LRCH3: variants seen among roughly 807,000 people sequenced by gnomAD.
The protein encoded by LRCH3 is DISP complex protein LRCH3.
In LRCH3, 68 loss-of-function variants were observed where a neutral mutation model predicts 104.5. That is an observed-to-expected ratio of 0.65 (90% CI 0.54 to 0.80). LRCH3 has a LOEUF of 0.80. LRCH3 is among the 30% of genes least tolerant of loss of function. The probability of loss-of-function intolerance (pLI) is 0.00; values close to 1 mark genes in which losing one functional copy is unlikely to be tolerated. For synonymous variants in LRCH3, 344 were observed against 361.3 expected, an observed-to-expected ratio of 0.95 and a Z score of 0.54; for missense variants, 951 against 953.9, an observed-to-expected ratio of 1.00 and a Z score of 0.04.
chr3:197,820,490 C>A, intron 4 of LRCH3, 60 bp downstream of exon 4: 2 of 1,182,830 alleles, frequency 1.7e-6, no homozygotes, highest in Non-Finnish European at 2.5e-6. Flanking sequence ...AAAGCTCTCT[C>A]AGACCAATCA....
chr3:197,837,954 G>A (rs1250136306), intron 9 of LRCH3, among the ~76,000 whole-genome samples: 4 of 152,082 alleles, frequency 2.6e-5, no homozygotes, highest in South Asian at 2.1e-4. Flanking sequence ...CAGCCACTCG[G>A]GAGGCTGAGG....
intron 1 of LRCH3, among the ~76,000 whole-genome samples, chr3:197,797,720 G>A (rs1731385582): frequency 6.6e-6 from 1 of 151,914 alleles, no homozygotes; most frequent in African/African-American, 2.4e-5. Context: ...AAATAGCTGG[G>A]TGCCATTGGC....
chr3:197,806,433 T>C (rs1427654071), intron 1 of LRCH3, among the ~76,000 whole-genome samples: 1 of 151,956 alleles, frequency 6.6e-6, no homozygotes, highest in East Asian at 1.9e-4. Context: ...GAAGAACATT[T>C]CTGACATCAA....
intron 1 of LRCH3, among the ~76,000 whole-genome samples, chr3:197,813,275 A>G (rs767753045): frequency 1.3e-5 from 2 of 150,914 alleles, no homozygotes; most frequent in Non-Finnish European, 2.9e-5. Context: ...TGTACAATAA[A>G]TGATCGTTGA....
rs753406685 is a variant in LRCH3 at position 197,830,760 on chromosome 3, T to C, written c.888-10T>C. On this transcript the variant is annotated splice_polypyrimidine_tract_variant and intron_variant, in intron 6 of 20. Coordinates refer to ENST00000425562, the MANE Select transcript of LRCH3 (RefSeq NM_001365715.1). ...ACAAACTTTGCAGTAACAGAGTCTC[T>C]TTTCGGCAGCCATGAAGAACTGTAC... The C allele has an allele frequency of 1.2e-6, 2 of 1,609,272 alleles. No homozygotes were observed. The highest frequency in any genetic ancestry group is 1.7e-4 in the Middle Eastern group (1 of 6,050).
chr3:197,830,935 G>A (rs114168679), intron 7 of LRCH3, 72 bp downstream of exon 7: 28 of 1,279,884 alleles, frequency 2.2e-5, no homozygotes, highest in South Asian at 3.7e-5. Flanking sequence ...AATGAAAAGC[G>A]TCTTAACTGG....
At chr3:197,813,675 T>G (rs1375563338) in intron 1 of LRCH3, among the ~76,000 whole-genome samples, 1 of 151,380 alleles carries the variant, frequency 6.6e-6, no homozygotes, top group Non-Finnish European at 1.5e-5. Context: ...GGATTACAGG[T>G]GTGTGCCACC....
rs1712816803 is a variant in LRCH3, at chr3:197,875,765, G to T, written c.2198G>T (p.Gly733Val). 1 of 1,530,372 alleles carries T rather than the reference G, an allele frequency of 6.5e-7. No homozygotes were observed. Among genetic ancestry groups the T allele is most frequent in the Non-Finnish European group, 8.7e-7 (1 of 1,142,968 alleles). The allele number at this position is 1,530,372 out of a possible 1,614,324, so 94.8% of individuals were successfully genotyped here. A position where few individuals can be genotyped will look rare whatever the true frequency, so the allele number is the denominator to read the frequency against. The stretch of plus-strand genomic sequence containing the variant: ...TTCCTAGAAGCTTGCAGAAAAATTG[G>T]TGTACCTCAGGTAATAAATTTATCA... ...ENFLEACRKI[G>V]VPQEQLCLPL... The change falls in exon 20 of 21, where the codon GGT becomes GTT. Residue 733 changes from glycine to valine, a missense_variant. Gly to Val is a moderately radical substitution (Grantham distance 109). Transcript: ENST00000425562.
rs551929841 is a variant in LRCH3 at position 197,817,346 on chromosome 3, C to CTG, written c.534+58_534+59dup. ...TTGTCCAACATGTGTGTGTGTGTGTCTGTGTGTGTGTGTGTATATATATAT... is the reference window on the plus strand; with the variant it reads ...TTGTCCAACATGTGTGTGTGTGTGTCTGTGTGTGTGTGTGTGTATATATATAT... On this transcript the variant is annotated intron_variant, in intron 3 of 20. Transcript: ENST00000425562. 1,883 of 259,580 alleles carry CTG rather than the reference C, an allele frequency of 7.3e-3. 98 individuals carry two copies. Among genetic ancestry groups the CTG allele is most frequent in the East Asian group, 0.04 (73 of 1,848 alleles). The allele number at this position is 259,580 out of a possible 1,614,324, so 16.1% of individuals were successfully genotyped here.
chr3:197,825,882 A>G (rs1735148912), intron 4 of LRCH3, among the ~76,000 whole-genome samples: 2 of 151,952 alleles, frequency 1.3e-5, no homozygotes, highest in African/African-American at 4.8e-5. Flanking sequence ...CTACCATTAT[A>G]TTTTTTCATT....
At chr3:197,862,034 G>T (rs949494618) in intron 15 of LRCH3, among the ~76,000 whole-genome samples, 1 of 151,952 alleles carries the variant, frequency 6.6e-6, no homozygotes, top group East Asian at 1.9e-4. Context: ...TTGCTCTGTC[G>T]CTCAGGCTGG....
intron 9 of LRCH3, among the ~76,000 whole-genome samples, chr3:197,838,873 G>A (rs927247440): frequency 1.3e-5 from 2 of 152,172 alleles, no homozygotes; most frequent in African/African-American, 4.8e-5. Flanking sequence ...TGTTGTGATG[G>A]ATAAATAAAG....
At position 197,888,390 on chromosome 3, in the gene LRCH3, C is replaced by A. The variant is rs936839366; in HGVS notation, c.*4724C>A. On this transcript the variant is annotated 3_prime_UTR_variant, in exon 21 of 21. Transcript: ENST00000425562. ...TAAATTGCCTGTACGCCACTTTACA[C>A]ATTGACATTCAAATAAAAGCCAACA... is the stretch of plus-strand genomic sequence containing the variant. 1 of 152,186 alleles carries A rather than the reference C, an allele frequency of 6.6e-6. No homozygotes were observed. The highest frequency in any genetic ancestry group is 1.5e-5 in the Non-Finnish European group (1 of 68,048). The allele number at this position is 152,186 out of a possible 1,614,324, so 9.4% of individuals were successfully genotyped here. A position where few individuals can be genotyped will look rare whatever the true frequency, so the allele number is the denominator to read the frequency against.
intron 1 of LRCH3, among the ~76,000 whole-genome samples, chr3:197,798,770 G>A (rs1468678649): frequency 1.3e-5 from 2 of 152,164 alleles, no homozygotes; most frequent in Non-Finnish European, 2.9e-5. Flanking sequence ...CACAGTATAT[G>A]CACTATGAAT....
intron 15 of LRCH3, among the ~76,000 whole-genome samples, chr3:197,861,824 G>C (rs1740920914): frequency 6.6e-6 from 1 of 151,814 alleles, no homozygotes; most frequent in African/African-American, 2.4e-5. Flanking sequence ...CCCAAATGTA[G>C]TTAATGGCCT....
At chr3:197,839,717 C>T (rs1240664612) in intron 10 of LRCH3, among the ~76,000 whole-genome samples, 1 of 152,126 alleles carries the variant, frequency 6.6e-6, no homozygotes, top group Non-Finnish European at 1.5e-5. Flanking sequence ...TAGTGGCTAA[C>T]ACTTGTAATC....
At chr3:197,880,686 C>T in intron 20 of LRCH3, 1 of 1,536,788 alleles carries the variant, frequency 6.5e-7, no homozygotes. Context: ...TCTCTGTGTG[C>T]TTTATTACTG....
chr3:197,852,485 G>A (rs1483228072), intron 12 of LRCH3, 76 bp from the exon 13 acceptor site: 5 of 1,306,802 alleles, frequency 3.8e-6, no homozygotes, highest in Non-Finnish European at 5.4e-6. Flanking sequence ...GATTATTTTA[G>A]TAAATAGAAT....
intron 19 of LRCH3, among the ~76,000 whole-genome samples, chr3:197,873,889 T>G (rs971132967): frequency 6.6e-6 from 1 of 151,860 alleles, no homozygotes; most frequent in Non-Finnish European, 1.5e-5. Flanking sequence ...TGCATGGTGG[T>G]GCACACCTGT....
Sources: gnomAD v4.1 joint callset for allele counts (sites outside exome capture counted in the v4.1 genomes callset) on GRCh38, gnomAD v4.1.1 for gene constraint, MANE v1.5 for transcripts, NCBI Gene and HGNC (gene_info 2026-07-23, HGNC 2026-07-21) for gene names.